ITIH5: variants seen among roughly 807,000 people sequenced by gnomAD.
ITIH5 encodes inter-alpha-trypsin inhibitor heavy chain 5.
In ITIH5, 65 loss-of-function variants were observed where a neutral mutation model predicts 77.5. The ratio of observed to expected loss-of-function variants is 0.84; its 90% CI spans 0.69 to 1.03. The LOEUF (loss-of-function observed/expected upper bound fraction) is 1.03. Ranked by LOEUF, ITIH5 falls within the 50% of genes least tolerant of loss-of-function variation. The pLI is 0.00. For synonymous variants in ITIH5, 525 were observed against 494.3 expected, an observed-to-expected ratio of 1.06 and a Z score of -0.82; for missense variants, 1,208 against 1,213.1, an observed-to-expected ratio of 1.00 and a Z score of 0.06.
chr10:7,659,033 T>A (rs1409349559), intron 1 of ITIH5, among the ~76,000 whole-genome samples: 1 of 152,154 alleles, frequency 6.6e-6, no homozygotes, highest in Non-Finnish European at 1.5e-5. Flanking sequence ...AATTTTATTC[T>A]TGGTTTACAA....
intron 2 of ITIH5, among the ~76,000 whole-genome samples, chr10:7,647,590 C>CT (rs5782992): frequency 0.48 from 72,698 of 152,018 alleles, 17,706 homozygotes; most frequent in South Asian, 0.53. Flanking sequence ...ACGTGAACAC[C>CT]TGTCTAGTCT....
intron 7 of ITIH5, among the ~76,000 whole-genome samples, chr10:7,609,715 G>A (rs1333633457): frequency 6.6e-6 from 1 of 152,180 alleles, no homozygotes; most frequent in Non-Finnish European, 1.5e-5. Flanking sequence ...AGGCTACGTG[G>A]GAACCCAGAA....
intron 7 of ITIH5, among the ~76,000 whole-genome samples, chr10:7,598,601 C>T (rs1289553739): frequency 6.6e-6 from 1 of 152,154 alleles, no homozygotes; most frequent in Non-Finnish European, 1.5e-5. Context: ...CTTAAAGTCT[C>T]CTTTCAAATG....
intron 7 of ITIH5, among the ~76,000 whole-genome samples, chr10:7,605,211 T>C (rs1373714637): frequency 6.6e-6 from 1 of 151,762 alleles, no homozygotes; most frequent in African/African-American, 2.4e-5. Flanking sequence ...TTCTCCTGCC[T>C]CCACGCTTTG....
chr10:7,576,281 C>T lies in ITIH5; in HGVS notation c.1978+172G>A, dbSNP rs193148525. Among the ~76,000 whole-genome samples the T allele has an allele frequency of 4.6e-5, 7 of 152,272 alleles. No individual in the cohort carries two copies. The East Asian group carries it at 1.4e-3, about 29-fold the overall frequency. ...GCCTCAAGGGATCCCACCTCAGCCT[C>T]CCAAAGTGCTGGGATTACAGGTGTG... On this transcript the variant is annotated intron_variant, in intron 10 of 13. Transcript: ENST00000397146.
chr10:7,611,810 G>A (rs376329470), intron 7 of ITIH5, among the ~76,000 whole-genome samples: 11 of 151,106 alleles, frequency 7.3e-5, no homozygotes, highest in African/African-American at 1.7e-4. Flanking sequence ...TAAAGTTACC[G>A]ATTTTCCCCT....
At chr10:7,569,010 CTTTTTTTTT>C (rs5782983) in intron 12 of ITIH5, among the ~76,000 whole-genome samples, 3 of 71,604 alleles carry the variant, frequency 4.2e-5, no homozygotes, top group South Asian at 6.2e-4. Flanking sequence ...TTTTCTTTTT[CTTTTTTTTT>C]TTTTTTTTTT....
intron 5 of ITIH5, among the ~76,000 whole-genome samples, chr10:7,632,191 T>A (rs1322512730): frequency 6.6e-6 from 1 of 152,194 alleles, no homozygotes; most frequent in South Asian, 2.1e-4. Context: ...AGGGAATAGA[T>A]CTCAACCTTT....
chr10:7,617,741 T>G (rs1833398118), intron 5 of ITIH5: 1 of 152,364 alleles, frequency 6.6e-6, no homozygotes. Context: ...AGTAACAAAA[T>G]TAATGCTCAA....
At position 7,576,574 on chromosome 10, in the gene ITIH5, G is replaced by A. The variant is rs1039134275; in HGVS notation, c.1857C>T (p.Thr619=). The A allele has an allele frequency of 6.2e-7, 1 of 1,613,956 alleles. No individual in the cohort carries two copies. Among genetic ancestry groups the A allele is most frequent in the East Asian group, 2.2e-5 (1 of 44,884 alleles). Residue 619 remains threonine, a synonymous_variant, in exon 10 of 14, where the codon ACC becomes ACT. Coordinates refer to ENST00000397146, the MANE Select transcript of ITIH5 (RefSeq NM_030569.7). ...GGACCGGCCCCCTCAGCTTCATGGA[G>A]GTGAAGGGAGTGAGGAAGCGGTAGC... The part of the protein sequence containing the change: ...AVSYRFLTPF[T]SMKLRGPVPR...
intron 5 of ITIH5, among the ~76,000 whole-genome samples, chr10:7,628,770 GTAGCGTGTGTCCATGTTA>G (rs1833637447): frequency 7.9e-6 from 1 of 126,480 alleles, no homozygotes; most frequent in Non-Finnish European, 1.7e-5. Flanking sequence ...TGTCCATGTT[GTAGCGTGTGTCCATGTTA>G]TCATATGTAT....
chr10:7,585,974 G>C lies in ITIH5; in HGVS notation c.1035C>G (p.Asp345Glu). ...TGTCTGGAGTGACTGATATCAAGTG[G>C]TCCTTCCATACTTTGATCCGGTTGG... Reference protein sequence around the residue: ...GFSNRIKVWKDHLISVTPDSI... With the variant: ...GFSNRIKVWKEHLISVTPDSI... The change falls in exon 8 of 14, where the codon GAC becomes GAG. Residue 345 changes from aspartate (D) to glutamate (E), a missense_variant. Physicochemically the swap from Asp to Glu is conservative, Grantham distance 45 (BLOSUM62 2). Transcript: ENST00000397146. 3.7e-6 allele frequency: 6 copies of C among 1,614,062 alleles called. No individual in the cohort carries two copies. Among genetic ancestry groups the C allele is most frequent in the Non-Finnish European group, 5.1e-6 (6 of 1,179,972 alleles).
chr10:7,642,100 T>C lies in ITIH5; in HGVS notation c.136-10A>G. 1 of 1,612,220 alleles carries C rather than the reference T, an allele frequency of 6.2e-7. No individual in the cohort carries two copies. The highest frequency in any genetic ancestry group is 8.5e-7 in the Non-Finnish European group (1 of 1,178,610). ...TCAAAGGTTTGGTTTTCTGTAGGAA[T>C]GAAAACACACAGTATCATCGGTGAT... is the stretch of plus-strand genomic sequence containing the variant. On this transcript the variant is annotated splice_polypyrimidine_tract_variant and intron_variant, in intron 2 of 13. Transcript: ENST00000397146.
chr10:7,573,676 A>AC (rs1404197266), intron 10 of ITIH5, among the ~76,000 whole-genome samples: 1 of 150,528 alleles, frequency 6.6e-6, no homozygotes, highest in Admixed American at 6.6e-5. Flanking sequence ...ACTGTCTCAA[A>AC]AAAAAAAAAA....
chr10:7,574,703 G>A (rs1317549278), intron 10 of ITIH5, among the ~76,000 whole-genome samples: 1 of 146,748 alleles, frequency 6.8e-6, no homozygotes, highest in Non-Finnish European at 1.5e-5. Context: ...TGAGGCAGGA[G>A]AATAGCGTGA....
intron 2 of ITIH5, among the ~76,000 whole-genome samples, chr10:7,652,896 G>GA (rs886340408): frequency 3.6e-4 from 53 of 145,512 alleles, no homozygotes; most frequent in Admixed American, 1.8e-3. Context: ...AAAGGACCTG[G>GA]AAAAAAAAAA....
chr10:7,565,516 T>C (rs1371599938), intron 13 of ITIH5, among the ~76,000 whole-genome samples: 2 of 150,104 alleles, frequency 1.3e-5, no homozygotes, highest in Non-Finnish European at 3.0e-5. Flanking sequence ...TGTGCATATA[T>C]AGACTGTATA....
chr10:7,566,276 T>C lies in ITIH5; in HGVS notation c.2281A>G (p.Ser761Gly). ...PERSYLEITP[S>G]RVILDGGDRL... ...TCCCCACCATCCAAGATGACTCTGC[T>C]CGGTGTGATCTCGAGATAAGATCTC... The change falls in exon 13 of 14, where the codon AGC (serine) becomes GGC (glycine). Residue 761 changes from serine (S) to glycine (G), a missense_variant. Coordinates refer to ENST00000397146, the MANE Select transcript of ITIH5 (RefSeq NM_030569.7). 6.2e-7 allele frequency: 1 copy of C among 1,613,514 alleles called. No individual in the cohort carries two copies. Among genetic ancestry groups the C allele is most frequent in the Non-Finnish European group, 8.5e-7 (1 of 1,179,788 alleles).
intron 7 of ITIH5, among the ~76,000 whole-genome samples, chr10:7,602,136 G>C (rs537780516): frequency 4.6e-5 from 7 of 152,248 alleles, no homozygotes; most frequent in Non-Finnish European, 1.0e-4. Flanking sequence ...TTACAGGTGT[G>C]AGCCACCATG....
Sources: allele counts gnomAD v4.1 joint callset (sites outside exome capture counted in the v4.1 genomes callset), GRCh38; gene constraint gnomAD v4.1.1; transcripts MANE v1.5; gene names NCBI Gene and HGNC (gene_info 2026-07-23, HGNC 2026-07-21).